HBS1L: variants seen among roughly 807,000 people sequenced by gnomAD.
HBS1L encodes the protein HBS1 like translational GTPase.
A neutral mutation model predicts 88.9 loss-of-function variants in HBS1L; 55 were observed. The ratio of observed to expected loss-of-function variants is 0.62; its 90% CI spans 0.50 to 0.77. The LOEUF (loss-of-function observed/expected upper bound fraction) is 0.77, where lower values mean the gene tolerates loss of function less well. Ranked by LOEUF, HBS1L falls within the 30% of genes least tolerant of loss-of-function variation. The probability of loss-of-function intolerance (pLI) is 0.00; values close to 1 mark genes in which losing one functional copy is unlikely to be tolerated. For missense variants in HBS1L, 741 were observed against 829.3 expected, an observed-to-expected ratio of 0.89 and a Z score of 1.31; for synonymous variants, 267 against 288.5, an observed-to-expected ratio of 0.93 and a Z score of 0.76.
At position 134,965,217 on chromosome 6, in the gene HBS1L, A is replaced by G. The variant is rs1383847928; in HGVS notation, c.*62T>C. On this transcript the variant is annotated 3_prime_UTR_variant, in exon 18 of 18. Coordinates refer to ENST00000367837, the MANE Select transcript of HBS1L (RefSeq NM_006620.4). ...ATTGTTCCTTTGACTTAATAACTGC[A>G]TTCTTGAAACAGAGGTTAGCTATTT... is the stretch of plus-strand genomic sequence containing the variant. 1.6e-5 allele frequency: 21 copies of G among 1,337,212 alleles called. No homozygotes were observed. Among genetic ancestry groups the G allele is most frequent in the Non-Finnish European group, 2.1e-5 (20 of 930,436 alleles). The allele number at this position is 1,337,212 out of a possible 1,614,324, so 82.8% of individuals were successfully genotyped here.
intron 2 of HBS1L, among the ~76,000 whole-genome samples, chr6:135,045,585 C>T (rs552346753): frequency 6.6e-6 from 1 of 152,296 alleles, no homozygotes; most frequent in South Asian, 2.1e-4. Flanking sequence ...CCTGTAATCC[C>T]AGCACTTTGG....
intron 12 of HBS1L, chr6:134,982,806 G>A (rs1319774833): frequency 3.6e-6 from 1 of 276,686 alleles, no homozygotes; most frequent in Non-Finnish European, 6.6e-6. Flanking sequence ...TATTTATTGA[G>A]AAATAATAAA....
At position 134,964,343 on chromosome 6, in the gene HBS1L, A is replaced by G. The variant is rs1157945695; in HGVS notation, c.*936T>C. ...TTGGGGTTTGTTGTTGAAACTTTAA[A>G]GAAAAACATGACTCTTACTTACTCA... On this transcript the variant is annotated 3_prime_UTR_variant, in exon 18 of 18. Transcript: ENST00000367837. 1 of 152,238 alleles carries G rather than the reference A, an allele frequency of 6.6e-6. No individual in the cohort carries two copies. Among genetic ancestry groups the G allele is most frequent in the African/African-American group, 2.4e-5 (1 of 41,460 alleles). The allele number at this position is 152,238 out of a possible 1,614,324, so 9.4% of individuals were successfully genotyped here.
intron 5 of HBS1L, among the ~76,000 whole-genome samples, chr6:135,000,360 C>A (rs1163888982): frequency 6.6e-6 from 1 of 151,748 alleles, no homozygotes; most frequent in Non-Finnish European, 1.5e-5. Flanking sequence ...AATGCCCACC[C>A]TGTACACTTA....
intron 4 of HBS1L, among the ~76,000 whole-genome samples, chr6:135,020,839 G>A (rs1329994725): frequency 6.6e-6 from 1 of 151,678 alleles, no homozygotes; most frequent in Admixed American, 6.6e-5. Context: ...TAAATTTATC[G>A]GTATTAAAAA....
Position 134,979,207 on chromosome 6 carries a change from A to C in HBS1L, c.1659T>G (p.Thr553=), listed in dbSNP as rs1158349860. 2 of 1,612,004 alleles carry C rather than the reference A, an allele frequency of 1.2e-6. No homozygotes were observed. Among genetic ancestry groups the C allele is most frequent in the Non-Finnish European group, 1.7e-6 (2 of 1,178,610 alleles). ...TTTTGATGATATCCATCCCAACCAA[A>C]GTAAGACTAACATGATCGCCTGCTG... The part of the protein sequence containing the change: ...WAAAGDHVSL[T]LVGMDIIKIN... The change falls in exon 14 of 18, where the codon ACT becomes ACG. Residue 553 remains threonine, a synonymous_variant. Coordinates refer to ENST00000367837, the MANE Select transcript of HBS1L (RefSeq NM_006620.4).
At chr6:134,998,925 A>G (rs17638970) in intron 5 of HBS1L, among the ~76,000 whole-genome samples, 70,983 of 152,074 alleles carry the variant, frequency 0.47, 16,891 homozygotes, top group South Asian at 0.56. Context: ...AATATGCAGG[A>G]AATGTTCCCA....
chr6:135,039,757 A>C lies in HBS1L; in HGVS notation c.246T>G (p.Tyr82Ter), dbSNP rs752614305. ...CCTCTCTCATGTGATCAAGGCATGA[A>C]TAAAGACGAGCTAGAAAAGACGACA... is the stretch of plus-strand genomic sequence containing the variant. ...QLSGFDQARL[Y>*]SCLDHMREVL... The change falls in exon 4 of 18, where the codon TAT (tyrosine) becomes TAG (stop). Residue 82 changes from tyrosine (Y) to a stop codon, truncating the protein, a stop_gained. Transcript: ENST00000367837. LOFTEE classifies it high-confidence loss of function. The C allele has an allele frequency of 6.2e-7, 1 of 1,610,776 alleles. No individual in the cohort carries two copies. The highest frequency in any genetic ancestry group is 1.1e-5 in the South Asian group (1 of 90,692).
intron 4 of HBS1L, chr6:135,037,848 TTTC>T (rs1310434323): frequency 6.5e-7 from 1 of 1,545,984 alleles, no homozygotes; most frequent in Non-Finnish European, 8.7e-7. Context: ...GTGTGTCAAG[TTTC>T]TTTTTTCTAT....
At chr6:135,001,592 A>G (rs1292730846) in intron 5 of HBS1L, among the ~76,000 whole-genome samples, 1 of 152,154 alleles carries the variant, frequency 6.6e-6, no homozygotes, top group Non-Finnish European at 1.5e-5. Context: ...ATTCAGAAGG[A>G]AAAAAGGCAT....
intron 11 of HBS1L, 86 bp downstream of exon 11, chr6:134,985,980 C>T (rs540410838): frequency 3.2e-5 from 22 of 687,482 alleles, no homozygotes; most frequent in Non-Finnish European, 4.1e-5. Flanking sequence ...CTTTTTCATA[C>T]GTGTGACTCT....
At chr6:135,011,412 C>A (rs1473385309) in intron 4 of HBS1L, among the ~76,000 whole-genome samples, 1 of 152,108 alleles carries the variant, frequency 6.6e-6, no homozygotes, top group Non-Finnish European at 1.5e-5. Context: ...CCTAGCTACT[C>A]AGGAGGTTGA....
At chr6:135,009,893 G>A (rs79743600) in intron 4 of HBS1L, among the ~76,000 whole-genome samples, 2 of 151,676 alleles carry the variant, frequency 1.3e-5, no homozygotes, top group South Asian at 2.1e-4. Flanking sequence ...GCCTCCCAAC[G>A]TGCTGGGATT....
At chr6:135,030,236 A>G (rs115267761) in intron 4 of HBS1L, among the ~76,000 whole-genome samples, 2,495 of 152,316 alleles carry the variant, frequency 0.016, 77 homozygotes, top group African/African-American at 0.057. Flanking sequence ...AAGCACAGTT[A>G]CAACAGAAAG....
At chr6:135,001,964 T>C (rs1775473676) in intron 5 of HBS1L, among the ~76,000 whole-genome samples, 1 of 148,846 alleles carries the variant, frequency 6.7e-6, no homozygotes, top group South Asian at 2.1e-4. Flanking sequence ...GGAAAAAAAG[T>C]ATATATATAT....
Position 134,987,786 on chromosome 6 carries a change from A to G in HBS1L, c.1089T>C (p.Asp363=), listed in dbSNP as rs1272212492. Residue 363 remains aspartate (D), a synonymous_variant, in exon 9 of 18, where the codon GAT becomes GAC. Transcript: ENST00000367837. ...TGGCATCTACAACTAAAACAGCTAC[A>G]TCCGCCTAAAGAAGAAAAATAATCG... ...PNMITGAAQA[D]VAVLVVDASR... The G allele has an allele frequency of 1.9e-6, 3 of 1,584,586 alleles. No individual in the cohort carries two copies. Among genetic ancestry groups the G allele is most frequent in the South Asian group, 2.3e-5 (2 of 85,868 alleles).
chr6:135,053,768 C>T (rs1003790671), intron 1 of HBS1L, among the ~76,000 whole-genome samples: 2 of 152,188 alleles, frequency 1.3e-5, no homozygotes, highest in African/African-American at 4.8e-5. Flanking sequence ...TATTCTTCTC[C>T]TGCATTAGTT....
At chr6:134,990,474 T>A (rs1036080812) in intron 8 of HBS1L, among the ~76,000 whole-genome samples, 1 of 152,244 alleles carries the variant, frequency 6.6e-6, no homozygotes, top group African/African-American at 2.4e-5. Context: ...GCAAGTTACT[T>A]AACATCTTTG....
intron 16 of HBS1L, among the ~76,000 whole-genome samples, chr6:134,967,563 C>T (rs1387549417): frequency 1.3e-5 from 2 of 152,166 alleles, no homozygotes; most frequent in Non-Finnish European, 2.9e-5. Context: ...AATAAGATGA[C>T]AGGGAACACA....
Sources: gnomAD v4.1 joint callset for allele counts (sites outside exome capture counted in the v4.1 genomes callset) on GRCh38, gnomAD v4.1.1 for gene constraint, MANE v1.5 for transcripts, NCBI Gene and HGNC (gene_info 2026-07-23, HGNC 2026-07-21) for gene names.